Variants in RELCH observed in about 807,000 individuals in gnomAD.
The protein encoded by RELCH is RAB11 binding and LisH domain, coiled-coil and HEAT repeat containing.
Under a neutral mutation model 150.3 loss-of-function variants are expected in RELCH, and 41 were observed. The ratio of observed to expected loss-of-function variants is 0.27; its 90% CI spans 0.21 to 0.35. The LOEUF is 0.35. Ranked by LOEUF, RELCH falls within the 10% of genes least tolerant of loss-of-function variation. RELCH has a pLI of 1.00. For synonymous variants in RELCH, 478 were observed against 531.8 expected (o/e 0.90, Z 1.39); for missense variants, 1,092 against 1,467.8 (o/e 0.74, Z 4.18).
chr18:62,273,900 T>G (rs1446948830), intron 20 of RELCH, 80 bp from the exon 21 acceptor site: 5 of 863,808 alleles, frequency 5.8e-6, no homozygotes, highest in Non-Finnish European at 9.4e-6. Context: ...GGTAACATTT[T>G]CTAATTATAG....
chr18:62,237,627 C>T (rs921378929), intron 10 of RELCH, among the ~76,000 whole-genome samples: 5 of 151,634 alleles, frequency 3.3e-5, no homozygotes, highest in African/African-American at 1.2e-4. Context: ...AGATGTTTTA[C>T]ATCATGTGCC....
intron 1 of RELCH, among the ~76,000 whole-genome samples, chr18:62,207,693 A>G (rs62094272): frequency 0.32 from 48,531 of 152,092 alleles, 8,299 homozygotes; most frequent in East Asian, 0.59. Context: ...ATATACCATC[A>G]ATTCACCCTT....
At chr18:62,243,299 T>C (rs2042241609) in intron 10 of RELCH, among the ~76,000 whole-genome samples, 1 of 152,120 alleles carries the variant, frequency 6.6e-6, no homozygotes, top group Non-Finnish European at 1.5e-5. Flanking sequence ...GGTTGTTTAT[T>C]TTCTTCTACA....
intron 13 of RELCH, among the ~76,000 whole-genome samples, chr18:62,257,582 G>A (rs1247017119): frequency 6.6e-6 from 1 of 151,986 alleles, no homozygotes; most frequent in East Asian, 1.9e-4. Flanking sequence ...AGACTTTGTT[G>A]ATTTGTTGAA....
At chr18:62,235,786 T>C (rs1237919860) in intron 10 of RELCH, among the ~76,000 whole-genome samples, 1 of 152,052 alleles carries the variant, frequency 6.6e-6, no homozygotes, top group African/African-American at 2.4e-5. Context: ...ACACTGGTCA[T>C]TGTGTGTTGA....
chr18:62,204,504 C>T (rs995762474), intron 1 of RELCH, among the ~76,000 whole-genome samples: 16 of 151,896 alleles, frequency 1.1e-4, no homozygotes, highest in Non-Finnish European at 2.2e-4. Context: ...ACTAATTTTT[C>T]GATTTTTTGT....
intron 26 of RELCH, among the ~76,000 whole-genome samples, chr18:62,291,065 C>T (rs547560607): frequency 9.2e-5 from 14 of 152,220 alleles, no homozygotes; most frequent in Non-Finnish European, 1.8e-4. Context: ...TTCTGATATG[C>T]ACTATAGAGT....
At position 62,230,588 on chromosome 18, in the gene RELCH, T is replaced by C. The variant is rs146002485; in HGVS notation, c.1449-606T>C. Among the ~76,000 whole-genome samples, 7 of 152,222 alleles carry C rather than the reference T, an allele frequency of 4.6e-5. No homozygotes were observed. In the East Asian group the frequency reaches 1.2e-3, roughly 25 times the overall value. ...ATAGAGACTGGTGTTGTTTTAGAAA[T>C]ATAAATGTTTTAACCTCCTTTATTA... On this transcript the variant is annotated intron_variant, in intron 8 of 28. Transcript: ENST00000644646.
At chr18:62,264,595 G>T (rs1307291316) in intron 17 of RELCH, 134 bp from the exon 18 acceptor site, 2 of 654,868 alleles carry the variant, frequency 3.1e-6, no homozygotes, top group Non-Finnish European at 5.2e-6. Flanking sequence ...CCTATTCAGA[G>T]GGTCCCAGAC....
At chr18:62,227,763 G>A (rs1232465208) in intron 7 of RELCH, 74 bp downstream of exon 7, 1 of 666,894 alleles carries the variant, frequency 1.5e-6, no homozygotes, top group African/African-American at 1.8e-5. Flanking sequence ...GCAAATATAT[G>A]AAACAATATT....
At chr18:62,296,859 G>A (rs2045434538) in intron 27 of RELCH, among the ~76,000 whole-genome samples, 1 of 152,168 alleles carries the variant, frequency 6.6e-6, no homozygotes, top group Non-Finnish European at 1.5e-5. Flanking sequence ...GCATTCCTGG[G>A]ATAAATCCCA....
intron 26 of RELCH, among the ~76,000 whole-genome samples, chr18:62,289,050 G>A (rs1465667659): frequency 7.2e-5 from 11 of 152,124 alleles, no homozygotes; most frequent in Non-Finnish European, 1.2e-4. Context: ...CCAAATGTTT[G>A]GCTCTGTAAA....
At chr18:62,240,624 G>A (rs2042102083) in intron 10 of RELCH, among the ~76,000 whole-genome samples, 3 of 151,792 alleles carry the variant, frequency 2.0e-5, no homozygotes, top group Admixed American at 6.6e-5. Context: ...GCCCAGGCTG[G>A]TTTCGAATGC....
At chr18:62,250,672 A>G (rs866966041) in intron 11 of RELCH, among the ~76,000 whole-genome samples, 3 of 152,346 alleles carry the variant, frequency 2.0e-5, no homozygotes, top group Middle Eastern at 6.8e-3. Context: ...TACAGTGAAG[A>G]CACATTGGCT....
At position 62,189,825 on chromosome 18, in the gene RELCH, T is replaced by G. The variant is rs549745841; in HGVS notation, c.526+1794T>G. On this transcript the variant is annotated intron_variant, in intron 1 of 28. Coordinates refer to ENST00000644646, the MANE Select transcript of RELCH (RefSeq NM_001346231.2). ...TAAGTGCCTTTGCATTATACATTTT[T>G]ATACTTTCTTGAAATAACTAGAGTC... 2.6e-5 allele frequency among the ~76,000 whole-genome samples: 4 copies of G among 152,368 alleles called. No homozygotes were observed. In the South Asian group the frequency reaches 8.3e-4, roughly 32 times the overall value.
intron 10 of RELCH, among the ~76,000 whole-genome samples, chr18:62,238,859 A>G (rs972510272): frequency 3.3e-5 from 5 of 152,140 alleles, no homozygotes; most frequent in Admixed American, 1.3e-4. Context: ...GGAGAAAACC[A>G]CTTATCTCAG....
rs577424171 is a variant in RELCH at position 62,194,498 on chromosome 18, T to C, written c.526+6467T>C. On this transcript the variant is annotated intron_variant, in intron 1 of 28. Transcript: ENST00000644646. ...AAAAGAAATATTTCTTAAATATTCC[T>C]CCTATAAACATGTAGACATTTATAG... Among the ~76,000 whole-genome samples the C allele has an allele frequency of 2.6e-5, 4 of 152,334 alleles. No homozygotes were observed. The South Asian group carries it at 8.3e-4, about 32-fold the overall frequency.
chr18:62,305,360 A>G lies in RELCH; in HGVS notation c.3531-54A>G, dbSNP rs1600315992. ...TTAATGATATGCTACTAAATAAATGAAAAATTTTTATTTTTTTAATTGCTT... is the reference window on the plus strand; with the variant it reads ...TTAATGATATGCTACTAAATAAATGGAAAATTTTTATTTTTTTAATTGCTT... On this transcript the variant is annotated intron_variant, in intron 28 of 28. Transcript: ENST00000644646. This position sits in a 1 kb window ranked among gnomAD's most constrained non-coding sequence, Gnocchi z 4.0. 1 of 1,520,784 alleles carries G rather than the reference A, an allele frequency of 6.6e-7. No homozygotes were observed. Among genetic ancestry groups the G allele is most frequent in the Non-Finnish European group, 8.9e-7 (1 of 1,127,504 alleles). The allele number at this position is 1,520,784 out of a possible 1,614,324, so 94.2% of individuals were successfully genotyped here. A position where few individuals can be genotyped will look rare whatever the true frequency, so the allele number is the denominator to read the frequency against.
chr18:62,248,436 G>A lies in RELCH; in HGVS notation c.1733+3560G>A, dbSNP rs183572673. On this transcript the variant is annotated intron_variant, in intron 11 of 28. Coordinates refer to ENST00000644646, the MANE Select transcript of RELCH (RefSeq NM_001346231.2). Reference sequence around the variant, plus strand: ...TTATGTATTAATTAACAGAGGAAACGTTGCCCAAATTTTTGTAATAAGCAG... The same window carrying A: ...TTATGTATTAATTAACAGAGGAAACATTGCCCAAATTTTTGTAATAAGCAG... 2.1e-3 allele frequency among the ~76,000 whole-genome samples: 317 copies of A among 152,204 alleles called. 4 individuals carry two copies. Among genetic ancestry groups the A allele is most frequent in the African/African-American group, 7.3e-3 (305 of 41,526 alleles).
Sources: gnomAD v4.1 joint callset for allele counts (sites outside exome capture counted in the v4.1 genomes callset) on GRCh38, gnomAD v4.1.1 for gene constraint, Gnocchi (gnomAD v3.1) non-coding constraint, MANE v1.5 for transcripts, NCBI Gene and HGNC (gene_info 2026-07-23, HGNC 2026-07-21) for gene names.